The following LDHB variants were observed in gnomAD, a reference collection of about 807,000 sequenced individuals.
LDHB encodes lactate dehydrogenase B.
In LDHB, 18 loss-of-function variants were observed where a neutral mutation model predicts 33.4. The ratio of observed to expected loss-of-function variants is 0.54; its 90% CI spans 0.37 to 0.80. The LOEUF (loss-of-function observed/expected upper bound fraction) is 0.80. LDHB is among the 30% of genes least tolerant of loss of function. The pLI, the probability that LDHB is intolerant of heterozygous loss-of-function variation, is 0.00. For missense variants in LDHB, 345 were observed against 407.9 expected (o/e 0.85, Z 1.33); for synonymous variants, 121 against 140.6 (o/e 0.86, Z 0.98).
intron 5 of LDHB, among the ~76,000 whole-genome samples, chr12:21,639,458 A>G (rs571671587): frequency 6.6e-6 from 1 of 151,602 alleles, no homozygotes; most frequent in South Asian, 2.1e-4. Context: ...CACTAAAATT[A>G]AAGTCCTGAA....
intron 1 of LDHB, among the ~76,000 whole-genome samples, chr12:21,655,137 A>G (rs1231348877): frequency 6.6e-6 from 1 of 152,180 alleles, no homozygotes; most frequent in Non-Finnish European, 1.5e-5. Context: ...AAAAGAAAAA[A>G]AAGAACCATG....
chr12:21,654,813 G>T (rs1938793941), intron 1 of LDHB, 136 bp from the exon 2 acceptor site: 5 of 781,338 alleles, frequency 6.4e-6, no homozygotes, highest in South Asian at 5.8e-5. Context: ...CTAGAAAGCA[G>T]AATATATTTT....
chr12:21,651,492 T>C (rs984726315), intron 2 of LDHB, among the ~76,000 whole-genome samples: 1 of 152,198 alleles, frequency 6.6e-6, no homozygotes, highest in Non-Finnish European at 1.5e-5. Flanking sequence ...ATGTCCCTCC[T>C]CAACCTCTCC....
At chr12:21,639,059 A>G (rs1938291575) in intron 5 of LDHB, among the ~76,000 whole-genome samples, 1 of 151,910 alleles carries the variant, frequency 6.6e-6, no homozygotes, top group Non-Finnish European at 1.5e-5. Flanking sequence ...TACATTGTAG[A>G]CTCTGGAAAT....
At position 21,654,527 on chromosome 12, in the gene LDHB, T is replaced by C. The variant is rs750596551; in HGVS notation, c.129+16A>G. On this transcript the variant is annotated intron_variant, in intron 2 of 7. Coordinates refer to ENST00000350669, the MANE Select transcript of LDHB (RefSeq NM_002300.8). ...TGCTGAACTTCTCTATCATCTATGGTGTTCTTGAAATGTACCTTTCCCAGA... is the reference window on the plus strand; with the variant it reads ...TGCTGAACTTCTCTATCATCTATGGCGTTCTTGAAATGTACCTTTCCCAGA... The C allele has an allele frequency of 2.0e-5, 33 of 1,613,034 alleles. No individual in the cohort carries two copies. Among genetic ancestry groups the C allele is most frequent in the Non-Finnish European group, 2.6e-5 (31 of 1,179,162 alleles).
chr12:21,643,986 G>C lies in LDHB; in HGVS notation c.370C>G (p.Gln124Glu). 1 of 1,613,038 alleles carries C rather than the reference G, an allele frequency of 6.2e-7. No individual in the cohort carries two copies. The highest frequency in any genetic ancestry group is 8.5e-7 in the Non-Finnish European group (1 of 1,179,054). ...NVNVFKFIIP[Q>E]IVKYSPDCII... ...CAATCAGGACTGTACTTGACGATCTGAGGAATAATGAATTTGAAGACATTA... is the reference window on the plus strand; with the variant it reads ...CAATCAGGACTGTACTTGACGATCTCAGGAATAATGAATTTGAAGACATTA... Residue 124 changes from glutamine (Q) to glutamate (E), a missense_variant, in exon 4 of 8, where the codon CAG becomes GAG. Transcript: ENST00000350669.
rs551010195 is a variant in LDHB at position 21,646,895 on chromosome 12, T to C, written c.247+4A>G. On this transcript the variant is annotated splice_donor_region_variant and intron_variant, in intron 3 of 7. Coordinates refer to ENST00000350669, the MANE Select transcript of LDHB (RefSeq NM_002300.8). ...AGATCACTTTGGGCATTAAGTGAAATTACCTTTATCTGCCACAATTTTAGG... is the reference window on the plus strand; with the variant it reads ...AGATCACTTTGGGCATTAAGTGAAACTACCTTTATCTGCCACAATTTTAGG... 6.4e-7 allele frequency: 1 copy of C among 1,565,118 alleles called. No individual in the cohort carries two copies. The highest frequency in any genetic ancestry group is 2.2e-5 in the East Asian group (1 of 44,644).
intron 7 of LDHB, 110 bp downstream of exon 7, chr12:21,636,961 C>T (rs562929381): frequency 1.0e-6 from 1 of 976,744 alleles, no homozygotes. Flanking sequence ...CTTTGAGAGA[C>T]AGAAATAACC....
At chr12:21,635,786 G>T in intron 7 of LDHB, 77 bp from the exon 8 acceptor site, 5 of 1,352,892 alleles carry the variant, frequency 3.7e-6, no homozygotes, top group Non-Finnish European at 5.2e-6. Flanking sequence ...GGCTGAGGTG[G>T]GAGGACTGTT....
At chr12:21,638,260 G>T in intron 6 of LDHB, 93 bp downstream of exon 6, 1 of 789,558 alleles carries the variant, frequency 1.3e-6, no homozygotes, top group Admixed American at 1.8e-5. Flanking sequence ...TACATTAAGA[G>T]TTTATCTGAG....
chr12:21,654,098 A>G (rs1372960020), intron 2 of LDHB, among the ~76,000 whole-genome samples: 1 of 152,242 alleles, frequency 6.6e-6, no homozygotes, highest in African/African-American at 2.4e-5. Context: ...ATTGAGGGAC[A>G]TTCTGCAGAA....
intron 3 of LDHB, among the ~76,000 whole-genome samples, chr12:21,645,356 C>A (rs917847281): frequency 6.6e-6 from 1 of 152,084 alleles, no homozygotes; most frequent in Non-Finnish European, 1.5e-5. Flanking sequence ...AAGGGAAAGA[C>A]CTGACTGTCC....
intron 4 of LDHB, among the ~76,000 whole-genome samples, chr12:21,642,337 G>C (rs796970846): frequency 2.0e-5 from 3 of 152,162 alleles, no homozygotes; most frequent in African/African-American, 7.2e-5. Flanking sequence ...TATGAAGATT[G>C]CAAGACATGA....
chr12:21,642,754 T>G (rs1229941469), intron 4 of LDHB, among the ~76,000 whole-genome samples: 4 of 152,054 alleles, frequency 2.6e-5, no homozygotes, highest in Non-Finnish European at 5.9e-5. Context: ...CTGTAAAAAG[T>G]AAAAAATGTG....
intron 2 of LDHB, among the ~76,000 whole-genome samples, chr12:21,653,464 C>T (rs1938749920): frequency 6.6e-6 from 1 of 152,090 alleles, no homozygotes; most frequent in African/African-American, 2.4e-5. Context: ...AAACTGGTTC[C>T]CTAGTGCCAG....
chr12:21,637,465 T>C (rs1314111202), intron 6 of LDHB: 1 of 306,146 alleles, frequency 3.3e-6, no homozygotes, highest in Admixed American at 4.7e-5. Context: ...GTGGCAAAAA[T>C]ATACATTTTC....
Position 21,635,806 on chromosome 12 carries a change from G to A in LDHB, c.838-97C>T. On this transcript the variant is annotated intron_variant, in intron 7 of 7. Transcript: ENST00000350669. ...AGGTGGGAGGACTGTTTGAGCCCAG[G>A]AGTTTGAAGCTTCAGTGAGCTATGA... 9 of 1,110,204 alleles carry A rather than the reference G, an allele frequency of 8.1e-6. No individual in the cohort carries two copies. The South Asian group carries it at 1.2e-4, about 15-fold the overall frequency. The allele number at this position is 1,110,204 out of a possible 1,614,324, so 68.8% of individuals were successfully genotyped here. A position where few individuals can be genotyped will look rare whatever the true frequency, so the allele number is the denominator to read the frequency against.
chr12:21,641,953 A>G lies in LDHB; in HGVS notation c.594T>C (p.Ser198=). 6.2e-7 allele frequency: 1 copy of G among 1,610,326 alleles called. No homozygotes were observed. ...ATTATTTCTTTTTTTTTTCTTTACC[A>G]CTTGAGTCGCCATGTTCCCCCAAAA... The part of the protein sequence containing the change: ...GWILGEHGDS[S]VAVWSGVNVA... The change falls in exon 5 of 8, where the codon AGT becomes AGC. Residue 198 remains serine, a splice_region_variant and synonymous_variant. Transcript: ENST00000350669.
At chr12:21,647,127 A>T (rs769230334) in intron 2 of LDHB, 111 bp from the exon 3 acceptor site, 3 of 694,556 alleles carry the variant, frequency 4.3e-6, no homozygotes, top group Non-Finnish European at 7.7e-6. Context: ...AGATCTAAAC[A>T]TCTTGAGAAT....
Sources: allele counts gnomAD v4.1 joint callset (sites outside exome capture counted in the v4.1 genomes callset), GRCh38; gene constraint gnomAD v4.1.1; transcripts MANE v1.5; gene names NCBI Gene and HGNC (gene_info 2026-07-23, HGNC 2026-07-21).